Variants in STK32A observed in about 807,000 individuals in gnomAD.
The protein encoded by STK32A is serine/threonine kinase 32A, also known as serine/threonine-protein kinase 32A.
Under a neutral mutation model 53.2 loss-of-function variants are expected in STK32A, and 41 were observed. That is an observed-to-expected ratio of 0.77 (90% CI 0.60 to 1.00). The LOEUF is 1.00. Ranked by LOEUF, STK32A falls within the 50% of genes least tolerant of loss-of-function variation. STK32A has a pLI of 0.00. For missense variants in STK32A, 458 were observed against 485.8 expected (o/e 0.94, Z 0.54); for synonymous variants, 166 against 162.8 (o/e 1.02, Z -0.15).
chr5:147,351,545 T>TA (rs112192014), intron 7 of STK32A, among the ~76,000 whole-genome samples: 5,742 of 147,838 alleles, frequency 0.039, 345 homozygotes, highest in African/African-American at 0.13. Flanking sequence ...AGCAGATTTA[T>TA]AAAAAAAAAA....
At chr5:147,275,155 T>C (rs955679866) in intron 2 of STK32A, among the ~76,000 whole-genome samples, 3 of 152,164 alleles carry the variant, frequency 2.0e-5, no homozygotes, top group Non-Finnish European at 4.4e-5. Context: ...TAGATTTCTG[T>C]TGACAAAATA....
intron 4 of STK32A, among the ~76,000 whole-genome samples, chr5:147,312,801 T>C (rs768872283): frequency 3.9e-5 from 6 of 152,218 alleles, no homozygotes; most frequent in Non-Finnish European, 7.3e-5. Context: ...ATGCACCCTA[T>C]GGAGATAAAT....
intron 7 of STK32A, among the ~76,000 whole-genome samples, chr5:147,351,518 G>T (rs910656111): frequency 7.2e-5 from 11 of 151,932 alleles, no homozygotes; most frequent in Non-Finnish European, 1.6e-4. Context: ...AGATCCTGGA[G>T]CTTACATTCT....
chr5:147,279,466 A>G (rs1309611565), intron 4 of STK32A, 68 bp downstream of exon 4: 2 of 1,441,994 alleles, frequency 1.4e-6, no homozygotes, highest in Non-Finnish European at 1.9e-6. Context: ...GAGGTCCCCA[A>G]ATGCCTCTGG....
At chr5:147,272,049 C>T (rs1755061015) in intron 2 of STK32A, among the ~76,000 whole-genome samples, 1 of 152,134 alleles carries the variant, frequency 6.6e-6, no homozygotes, top group Non-Finnish European at 1.5e-5. Flanking sequence ...CATGTGATGT[C>T]TCCCCCGGAT....
chr5:147,316,759 G>A (rs756603141), intron 4 of STK32A, among the ~76,000 whole-genome samples: 9 of 150,934 alleles, frequency 6.0e-5, no homozygotes, highest in Non-Finnish European at 1.0e-4. Context: ...GAAGGCTGAG[G>A]CTGGAGGATT....
chr5:147,342,903 AC>A (rs1387708641), intron 5 of STK32A, 102 bp from the exon 6 acceptor site: 1 of 952,788 alleles, frequency 1.0e-6, no homozygotes, highest in Non-Finnish European at 1.7e-6. Flanking sequence ...AAGCTAGTAC[AC>A]TGTTTCAACT....
rs1429466475 is a variant in STK32A at position 147,361,499 on chromosome 5, A to G, written c.563-18A>G. 1 of 1,583,704 alleles carries G rather than the reference A, an allele frequency of 6.3e-7. No individual in the cohort carries two copies. The highest frequency in any genetic ancestry group is 8.6e-7 in the Non-Finnish European group (1 of 1,156,296). On this transcript the variant is annotated intron_variant, in intron 7 of 12. Transcript: ENST00000397936. The stretch of plus-strand genomic sequence containing the variant: ...TGTCTCAGGGAATCAAACTGGTTTA[A>G]TTTTTCGTGTTTTTCAGCACCTGAG...
In STK32A at chr5:147,384,411, C is replaced by G; in HGVS notation, c.*428C>G. On this transcript the variant is annotated 3_prime_UTR_variant, in exon 13 of 13. Coordinates refer to ENST00000397936, the MANE Select transcript of STK32A (RefSeq NM_001112724.2). ...CAAATGGACACAGGACTCAGTGAGA[C>G]TTTTCAGACCTCGAAAGTTTCATAA... 1 of 1,534,446 alleles carries G rather than the reference C, an allele frequency of 6.5e-7. No individual in the cohort carries two copies. Among genetic ancestry groups the G allele is most frequent in the Non-Finnish European group, 8.7e-7 (1 of 1,146,158 alleles).
chr5:147,324,049 C>T lies in STK32A; in HGVS notation c.412C>T (p.Gln138Ter), dbSNP rs928871456. The T allele has an allele frequency of 1.1e-5, 17 of 1,606,994 alleles. No individual in the cohort carries two copies. The African/African-American group carries it at 2.1e-4, about 20-fold the overall frequency. Residue 138 changes from glutamine to a stop codon, truncating the protein, a stop_gained, in exon 5 of 13, where the codon CAG (glutamine) becomes TAG (stop). Coordinates refer to ENST00000397936, the MANE Select transcript of STK32A (RefSeq NM_001112724.2). LOFTEE classifies it high-confidence loss of function. ...GCTGGTCATGGCCCTGGACTACCTGCAGAACCAGCGCATCATTCACAGGTC... is the reference window on the plus strand; with the variant it reads ...GCTGGTCATGGCCCTGGACTACCTGTAGAACCAGCGCATCATTCACAGGTC... ...CELVMALDYLQNQRIIHRDMK... is the reference protein window; with the variant it reads ...CELVMALDYL
At chr5:147,308,253 T>G (rs76130498) in intron 4 of STK32A, among the ~76,000 whole-genome samples, 68 of 152,082 alleles carry the variant, frequency 4.5e-4, no homozygotes, top group African/African-American at 1.5e-3. Flanking sequence ...TAGTTTTTCA[T>G]GTAGAGGTCT....
At chr5:147,360,688 T>C (rs186883638) in intron 7 of STK32A, among the ~76,000 whole-genome samples, 1 of 152,298 alleles carries the variant, frequency 6.6e-6, no homozygotes, top group East Asian at 1.9e-4. Context: ...CAAATTTCTC[T>C]CCAGTGATTC....
chr5:147,347,323 CAA>C (rs72262381), intron 6 of STK32A, among the ~76,000 whole-genome samples: 9 of 142,232 alleles, frequency 6.3e-5, no homozygotes, highest in East Asian at 6.2e-4. Context: ...GCAATAGAGG[CAA>C]AAAAAAAAAG....
At chr5:147,266,182 G>A (rs1754799340) in intron 2 of STK32A, among the ~76,000 whole-genome samples, 1 of 152,112 alleles carries the variant, frequency 6.6e-6, no homozygotes, top group African/African-American at 2.4e-5. Context: ...GTTGCTACAG[G>A]GTTTTCATCC....
At chr5:147,296,577 C>T (rs556753544) in intron 4 of STK32A, among the ~76,000 whole-genome samples, 1 of 152,210 alleles carries the variant, frequency 6.6e-6, no homozygotes, top group Non-Finnish European at 1.5e-5. Flanking sequence ...CAGTTAAACT[C>T]TACCATTTTT....
intron 4 of STK32A, among the ~76,000 whole-genome samples, chr5:147,287,977 G>T (rs1236857019): frequency 6.6e-6 from 1 of 152,066 alleles, no homozygotes; most frequent in East Asian, 1.9e-4. Flanking sequence ...AAGAAAATGG[G>T]TATTGTGAGG....
chr5:147,325,900 T>C (rs544236254), intron 5 of STK32A, among the ~76,000 whole-genome samples: 6 of 152,278 alleles, frequency 3.9e-5, no homozygotes, highest in African/African-American at 1.4e-4. Context: ...GGTTGTGACA[T>C]CACAGATATC....
At chr5:147,383,725 G>C (rs775745685) in intron 12 of STK32A, among the ~76,000 whole-genome samples, 165 bp from the exon 13 acceptor site, 2 of 152,124 alleles carry the variant, frequency 1.3e-5, no homozygotes, top group Non-Finnish European at 2.9e-5. Flanking sequence ...TGTGAGAAGG[G>C]AAGAGGAATT....
At chr5:147,377,985 A>T (rs1757297766) in intron 11 of STK32A, among the ~76,000 whole-genome samples, 1 of 152,166 alleles carries the variant, frequency 6.6e-6, no homozygotes, top group Admixed American at 6.6e-5. Context: ...TCCAAGAAGA[A>T]TCAGAAAGAT....
Sources: gnomAD v4.1 joint callset for allele counts (sites outside exome capture counted in the v4.1 genomes callset) on GRCh38, gnomAD v4.1.1 for gene constraint, MANE v1.5 for transcripts, NCBI Gene and HGNC (gene_info 2026-07-23, HGNC 2026-07-21) for gene names.